GNA14: variants seen among roughly 807,000 people sequenced by gnomAD.
The protein encoded by GNA14 is G protein subunit alpha 14.
Under a neutral mutation model 42.0 loss-of-function variants are expected in GNA14, and 50 were observed. The ratio of observed to expected loss-of-function variants is 1.19; its 90% confidence interval spans 0.95 to 1.51. GNA14 has a LOEUF of 1.51. GNA14 is among the 40% of genes most tolerant of loss of function. The pLI is 0.00. For missense variants in GNA14, 473 were observed against 446.2 expected (o/e 1.06, Z -0.54); for synonymous variants, 173 against 163.1 (o/e 1.06, Z -0.46).
At chr9:77,587,955 G>T (rs1294338458) in intron 1 of GNA14, among the ~76,000 whole-genome samples, 1 of 152,078 alleles carries the variant, frequency 6.6e-6, no homozygotes, top group East Asian at 1.9e-4. Flanking sequence ...GCTACTAAAG[G>T]CCATCTGCCT....
chr9:77,571,270 G>A (rs1018077938), intron 1 of GNA14, among the ~76,000 whole-genome samples: 5 of 152,232 alleles, frequency 3.3e-5, no homozygotes, highest in African/African-American at 9.6e-5. Context: ...GTAAGGCTGA[G>A]ATAAGTTCTC....
At chr9:77,592,522 C>T (rs1005850153) in intron 1 of GNA14, among the ~76,000 whole-genome samples, 2 of 152,104 alleles carry the variant, frequency 1.3e-5, no homozygotes, top group Admixed American at 6.5e-5. Flanking sequence ...TTAAATTTGC[C>T]GGGGTAGTGG....
chr9:77,461,638 A>G (rs565451207), intron 2 of GNA14, among the ~76,000 whole-genome samples: 2 of 152,144 alleles, frequency 1.3e-5, no homozygotes, highest in Non-Finnish European at 2.9e-5. Context: ...TAGGAAGTAA[A>G]TCATCATGGA....
At chr9:77,509,807 C>T (rs1437629343) in intron 2 of GNA14, among the ~76,000 whole-genome samples, 2 of 152,078 alleles carry the variant, frequency 1.3e-5, no homozygotes, top group East Asian at 3.9e-4. Context: ...TTGCACCAAC[C>T]TAATGCAATG....
intron 1 of GNA14, among the ~76,000 whole-genome samples, chr9:77,617,666 A>T (rs1823845643): frequency 6.6e-6 from 1 of 151,898 alleles, no homozygotes; most frequent in Non-Finnish European, 1.5e-5. Flanking sequence ...CTAACACTTA[A>T]ATTAAAATCC....
At chr9:77,574,028 G>A (rs1823096763) in intron 1 of GNA14, among the ~76,000 whole-genome samples, 1 of 152,030 alleles carries the variant, frequency 6.6e-6, no homozygotes, top group Non-Finnish European at 1.5e-5. Context: ...AAAAGATATG[G>A]GTATCATGCC....
chr9:77,485,154 C>T (rs1275739222), intron 2 of GNA14, among the ~76,000 whole-genome samples: 4 of 152,122 alleles, frequency 2.6e-5, no homozygotes, highest in Non-Finnish European at 5.9e-5. Flanking sequence ...TGAGTTAATC[C>T]TCTCAAATCC....
At chr9:77,551,404 G>T (rs963959585) in intron 1 of GNA14, among the ~76,000 whole-genome samples, 1 of 151,988 alleles carries the variant, frequency 6.6e-6, no homozygotes, top group Non-Finnish European at 1.5e-5. Flanking sequence ...CCCCATCCAC[G>T]CCAGCCTGCC....
intron 1 of GNA14, among the ~76,000 whole-genome samples, chr9:77,615,130 T>C (rs1490990055): frequency 6.6e-6 from 1 of 152,180 alleles, no homozygotes; most frequent in Non-Finnish European, 1.5e-5. Flanking sequence ...GGTTTAGTTG[T>C]TGAAACAAAT....
chr9:77,454,204 A>C (rs933254208), intron 2 of GNA14, among the ~76,000 whole-genome samples: 11 of 152,170 alleles, frequency 7.2e-5, no homozygotes, highest in Non-Finnish European at 1.2e-4. Flanking sequence ...TGGTGGTTCC[A>C]AAGTCTTCAC....
In GNA14 at chr9:77,586,037, G is replaced by A. The variant is rs560362817; in HGVS notation, c.125-56784C>T. On this transcript the variant is annotated intron_variant, in intron 1 of 6. Coordinates refer to ENST00000341700, the MANE Select transcript of GNA14 (RefSeq NM_004297.4). ...ACAATCAAGTGGCTTGCCTTGTTCT[G>A]ACCTGAGTGTTCGCCAAACACTCCC... Among the ~76,000 whole-genome samples, 5 of 152,076 alleles carry A rather than the reference G, an allele frequency of 3.3e-5. No individual in the cohort carries two copies. In the East Asian group the frequency reaches 9.7e-4, roughly 29 times the overall value.
intron 2 of GNA14, among the ~76,000 whole-genome samples, chr9:77,479,063 T>C (rs1016881637): frequency 9.2e-5 from 14 of 152,190 alleles, no homozygotes; most frequent in Non-Finnish European, 1.8e-4. Context: ...TTTGTTGCCA[T>C]TGCTTTTGGT....
intron 2 of GNA14, among the ~76,000 whole-genome samples, chr9:77,448,314 C>A (rs900191458): frequency 6.6e-6 from 1 of 152,202 alleles, no homozygotes; most frequent in Non-Finnish European, 1.5e-5. Context: ...GGTGTGAAAG[C>A]AGTAACCATT....
At chr9:77,493,026 A>AAAATATAT (rs1554691641) in intron 2 of GNA14, among the ~76,000 whole-genome samples, 4 of 51,726 alleles carry the variant, frequency 7.7e-5, no homozygotes, top group African/African-American at 2.3e-4. Context: ...AAAAAAAAAA[A>AAAATATAT]ATATATATAT....
intron 1 of GNA14, chr9:77,635,434 CAG>C (rs1287352393): frequency 2.0e-5 from 3 of 152,128 alleles, no homozygotes; most frequent in Admixed American, 6.5e-5. Context: ...TGGCAATACA[CAG>C]AGGTTTCTTT....
Position 77,647,967 on chromosome 9 carries a change from G to A in GNA14, c.-174C>T. The stretch of plus-strand genomic sequence containing the variant: ...GACCTCCGAGGCTCAATCCCCCTTC[G>A]AAAGTCGGCTCTGAGGCGGGGTGAA... On this transcript the variant is annotated 5_prime_UTR_variant, in exon 1 of 7. Coordinates refer to ENST00000341700, the MANE Select transcript of GNA14 (RefSeq NM_004297.4). The A allele has an allele frequency of 1.4e-6, 1 of 709,974 alleles. No individual in the cohort carries two copies. The highest frequency in any genetic ancestry group is 2.2e-6 in the Non-Finnish European group (1 of 445,390). 44.0% of individuals were successfully genotyped at this position (709,974 alleles called of 1,614,324 possible).
At chr9:77,462,645 T>C (rs1333406356) in intron 2 of GNA14, among the ~76,000 whole-genome samples, 2 of 142,032 alleles carry the variant, frequency 1.4e-5, no homozygotes, top group East Asian at 2.1e-4. Flanking sequence ...CACTTCAACC[T>C]GGGAGGTGGA....
intron 2 of GNA14, among the ~76,000 whole-genome samples, chr9:77,450,107 C>G (rs1344632186): frequency 6.6e-6 from 1 of 152,214 alleles, no homozygotes; most frequent in African/African-American, 2.4e-5. Flanking sequence ...CTGCAGGATT[C>G]TGGAGCTTTG....
chr9:77,535,822 C>A (rs1837590005), intron 1 of GNA14, among the ~76,000 whole-genome samples: 1 of 151,754 alleles, frequency 6.6e-6, no homozygotes, highest in African/African-American at 2.4e-5. Flanking sequence ...CAAAGGGGAA[C>A]CTGTGCTAAT....
Sources: allele counts gnomAD v4.1 joint callset (sites outside exome capture counted in the v4.1 genomes callset), GRCh38; gene constraint gnomAD v4.1.1; transcripts MANE v1.5; gene names NCBI Gene and HGNC (gene_info 2026-07-23, HGNC 2026-07-21).